The following TNKS variants were observed in gnomAD, a reference collection of about 807,000 sequenced individuals.
TNKS encodes poly [ADP-ribose] polymerase tankyrase-1.
A neutral mutation model predicts 135.8 loss-of-function variants in TNKS; 72 were observed. The observed-to-expected ratio is 0.53, with a 90% CI of 0.44 to 0.64. TNKS has a LOEUF of 0.64. Among genes scored for constraint, TNKS ranks in the 30% least tolerant of loss-of-function variants. The pLI, the probability that TNKS is intolerant of heterozygous loss-of-function variation, is 0.00. For synonymous variants in TNKS, 849 were observed against 649.3 expected (o/e 1.31, Z -4.68); for missense variants, 1,769 against 1,674.0 (o/e 1.06, Z -0.99).
At chr8:9,584,265 G>A (rs1314754315) in intron 2 of TNKS, among the ~76,000 whole-genome samples, 2 of 151,498 alleles carry the variant, frequency 1.3e-5, no homozygotes, top group Admixed American at 1.3e-4. Flanking sequence ...TGATTTTGGA[G>A]ATTTTAAACT....
At chr8:9,561,081 A>G (rs945294304) in intron 1 of TNKS, among the ~76,000 whole-genome samples, 8 of 152,232 alleles carry the variant, frequency 5.3e-5, no homozygotes, top group African/African-American at 1.7e-4. Flanking sequence ...TACAATTTCT[A>G]TTACATGTGT....
chr8:9,687,578 C>T (rs1803064780), intron 5 of TNKS, among the ~76,000 whole-genome samples: 1 of 152,024 alleles, frequency 6.6e-6, no homozygotes, highest in African/African-American at 2.4e-5. Context: ...AGTACCAATG[C>T]CAAGTGCGCT....
Position 9,734,913 on chromosome 8 carries a change from G to T in TNKS, c.2362G>T (p.Asp788Tyr). The T allele has an allele frequency of 6.2e-7, 1 of 1,614,116 alleles. No homozygotes were observed. The highest frequency in any genetic ancestry group is 8.5e-7 in the Non-Finnish European group (1 of 1,180,010). Reference protein sequence around the residue: ...KKNRDGNTPLDLVKEGDTDIQ... With the variant: ...KKNRDGNTPLYLVKEGDTDIQ... ...GAACAGAGATGGAAATACACCTTTG[G>T]ATTTGGTAAAGGAAGGAGACACAGA... The change falls in exon 16 of 27, where the codon GAT becomes TAT. Residue 788 changes from aspartate to tyrosine, a missense_variant. By Grantham distance (160) the Asp-to-Tyr change is radical. This residue lies in a region of TNKS where 722 missense variants were observed against 688.9 expected (regional missense o/e 1.05). Coordinates refer to ENST00000310430, the MANE Select transcript of TNKS (RefSeq NM_003747.3).
At chr8:9,632,042 G>A (rs561009964) in intron 3 of TNKS, among the ~76,000 whole-genome samples, 15 of 152,182 alleles carry the variant, frequency 9.9e-5, no homozygotes, top group Middle Eastern at 3.4e-3. Flanking sequence ...ATTGTTGTTT[G>A]TATTCCCTGA....
chr8:9,749,388 GGAATGATCCCT>G (rs1806401267), intron 18 of TNKS, among the ~76,000 whole-genome samples: 1 of 152,170 alleles, frequency 6.6e-6, no homozygotes, highest in African/African-American at 2.4e-5. Context: ...CTGGAGTTAG[GGAATGATCCCT>G]GATTAGGGCC....
At chr8:9,696,927 T>C (rs1803541533) in intron 5 of TNKS, among the ~76,000 whole-genome samples, 1 of 152,108 alleles carries the variant, frequency 6.6e-6, no homozygotes, top group South Asian at 2.1e-4. Flanking sequence ...TCAACATCAT[T>C]CTTCAAAAAA....
chr8:9,697,309 A>G (rs1385225463), intron 5 of TNKS, among the ~76,000 whole-genome samples: 3 of 152,326 alleles, frequency 2.0e-5, no homozygotes, highest in South Asian at 2.1e-4. Context: ...CTCAATATGG[A>G]TTAAGAATTT....
At chr8:9,591,725 A>C (rs1476748512) in intron 2 of TNKS, among the ~76,000 whole-genome samples, 2 of 152,144 alleles carry the variant, frequency 1.3e-5, no homozygotes, top group African/African-American at 4.8e-5. Context: ...CGTTTTCTTA[A>C]TGGTATCTGT....
chr8:9,664,465 TG>T lies in TNKS; in HGVS notation c.995-15483del, dbSNP rs1243872098. On this transcript the variant is annotated intron_variant, in intron 3 of 26. Coordinates refer to ENST00000310430, the MANE Select transcript of TNKS (RefSeq NM_003747.3). ...TCTTACTAGGTCCCACCTCCAACAT[TG>T]GGCATCCAATTTCAACATACATTTG... is the stretch of plus-strand genomic sequence containing the variant. 2.0e-5 allele frequency among the ~76,000 whole-genome samples: 3 copies of T among 152,310 alleles called. No homozygotes were observed. In the East Asian group the frequency reaches 5.8e-4, roughly 29 times the overall value.
At chr8:9,571,550 C>T (rs1020684991) in intron 1 of TNKS, among the ~76,000 whole-genome samples, 9 of 152,202 alleles carry the variant, frequency 5.9e-5, no homozygotes, top group South Asian at 2.1e-4. Context: ...CTCCGCCTCC[C>T]GGGTTCACGC....
chr8:9,709,330 A>G (rs1420769164), intron 9 of TNKS, among the ~76,000 whole-genome samples: 2 of 152,202 alleles, frequency 1.3e-5, no homozygotes, highest in African/African-American at 4.8e-5. Context: ...ATAGCCACAG[A>G]ATAAACCTGA....
Position 9,556,192 on chromosome 8 carries a change from G to A in TNKS, c.253G>A (p.Asp85Asn). Residue 85 changes from aspartate (D) to asparagine (N), a missense_variant, in exon 1 of 27, where the codon GAC (aspartate) becomes AAC (asparagine). Physicochemically the swap from Asp to Asn is conservative, Grantham distance 23 (BLOSUM62 1). Coordinates refer to ENST00000310430, the MANE Select transcript of TNKS (RefSeq NM_003747.3). ...CAGGCCCCGATCCCCGGACCCGGTT[G>A]ACGGTACCAGCTGTTGCAGTACCAC... The part of the protein sequence containing the change: ...PDRPRSPDPV[D>N]GTSCCSTTST... 1 of 1,613,566 alleles carries A rather than the reference G, an allele frequency of 6.2e-7. No homozygotes were observed. The highest frequency in any genetic ancestry group is 1.7e-4 in the Middle Eastern group (1 of 6,056).
At chr8:9,615,076 T>G (rs1799589741) in intron 2 of TNKS, among the ~76,000 whole-genome samples, 1 of 152,184 alleles carries the variant, frequency 6.6e-6, no homozygotes, top group Non-Finnish European at 1.5e-5. Flanking sequence ...GTTAAACTTC[T>G]TGGAAGCCAT....
intron 3 of TNKS, among the ~76,000 whole-genome samples, chr8:9,617,927 A>T (rs1799704669): frequency 6.6e-6 from 1 of 151,370 alleles, no homozygotes; most frequent in South Asian, 2.1e-4. Flanking sequence ...TAAACTGTGT[A>T]CAAGTATTTA....
chr8:9,751,772 T>C lies in TNKS; in HGVS notation c.2996T>C (p.Leu999Ser), dbSNP rs201811206. ...ASSIDNLTGP[L>S]AELAVGGASN... Reference sequence around the variant, plus strand: ...AGCATAGACAACCTCACTGGCCCTTTAGCAGAGTTGGCCGTAGGAGGAGCC... The same window carrying C: ...AGCATAGACAACCTCACTGGCCCTTCAGCAGAGTTGGCCGTAGGAGGAGCC... Residue 999 changes from leucine to serine, a missense_variant, in exon 19 of 27, where the codon TTA (leucine) becomes TCA (serine). Leu to Ser is a moderately radical substitution (Grantham distance 145, BLOSUM62 -2). This residue lies in a region of TNKS where 722 missense variants were observed against 688.9 expected (regional missense o/e 1.05). Coordinates refer to ENST00000310430, the MANE Select transcript of TNKS (RefSeq NM_003747.3). 3 of 1,614,088 alleles carry C rather than the reference T, an allele frequency of 1.9e-6. No individual in the cohort carries two copies. The highest frequency in any genetic ancestry group is 2.2e-5 in the East Asian group (1 of 44,878).
chr8:9,557,715 A>G (rs1392906429), intron 1 of TNKS: 1 of 152,182 alleles, frequency 6.6e-6, no homozygotes, highest in East Asian at 1.9e-4. Context: ...TAATATATAT[A>G]TATATCACTT....
intron 1 of TNKS, among the ~76,000 whole-genome samples, chr8:9,568,764 A>G (rs1463353008): frequency 6.6e-6 from 1 of 152,144 alleles, no homozygotes; most frequent in Non-Finnish European, 1.5e-5. Context: ...AAAGGAAGAA[A>G]TATTTTAATA....
At chr8:9,654,437 A>G (rs910347914) in intron 3 of TNKS, among the ~76,000 whole-genome samples, 6 of 152,258 alleles carry the variant, frequency 3.9e-5, no homozygotes, top group African/African-American at 4.8e-5. Context: ...GAAAGGAGAT[A>G]TAAATGAGGA....
chr8:9,649,415 T>G (rs959657748), intron 3 of TNKS, among the ~76,000 whole-genome samples: 3 of 152,230 alleles, frequency 2.0e-5, no homozygotes, highest in Non-Finnish European at 4.4e-5. Context: ...ACTTCACTAG[T>G]AGAATATAAA....
Sources: allele counts gnomAD v4.1 joint callset (sites outside exome capture counted in the v4.1 genomes callset), GRCh38; gene constraint gnomAD v4.1.1; regional missense constraint gnomAD v4.1.1; transcripts MANE v1.5; gene names NCBI Gene and HGNC (gene_info 2026-07-23, HGNC 2026-07-21).